RNGTT: variants seen among roughly 807,000 people sequenced by gnomAD.
RNGTT encodes the protein mRNA-capping enzyme.
RNGTT carries 33 observed loss-of-function variants against 79.3 expected under a neutral mutation model. The observed-to-expected ratio is 0.42, with a 90% CI of 0.32 to 0.56. The LOEUF is 0.56. RNGTT is among the 20% of genes least tolerant of loss of function. RNGTT has a pLI of 0.17. For missense variants in RNGTT, 497 were observed against 739.1 expected (o/e 0.67, Z 3.80); for synonymous variants, 222 against 235.9 (o/e 0.94, Z 0.54).
At chr6:88,924,453 C>T (rs2127951571) in intron 4 of RNGTT, among the ~76,000 whole-genome samples, 1 of 152,202 alleles carries the variant, frequency 6.6e-6, no homozygotes, top group Non-Finnish European at 1.5e-5. Context: ...AGATTATTAA[C>T]TTTTTATGTC....
chr6:88,648,420 A>T (rs900426979), intron 14 of RNGTT, among the ~76,000 whole-genome samples: 3 of 151,926 alleles, frequency 2.0e-5, no homozygotes, highest in African/African-American at 7.3e-5. Context: ...ACATGTATAC[A>T]TATGTAACAA....
intron 6 of RNGTT, among the ~76,000 whole-genome samples, chr6:88,895,696 C>T (rs900816117): frequency 6.6e-6 from 1 of 152,100 alleles, no homozygotes; most frequent in Non-Finnish European, 1.5e-5. Context: ...CTATCTTCAA[C>T]CTCAGATGGA....
At chr6:88,895,785 T>C (rs1236951136) in intron 6 of RNGTT, among the ~76,000 whole-genome samples, 1 of 152,186 alleles carries the variant, frequency 6.6e-6, no homozygotes, top group East Asian at 1.9e-4. Context: ...CTGTCAACCA[T>C]AGGTCAACTA....
rs140959304 is a variant in RNGTT, at chr6:88,933,748, A to AT, written c.175-4482dup. Reference sequence around the variant, plus strand: ...CCATGTGCTGCAAAATGATGATTTCATTTTTTCTTCATGGCTGCATAGTAT... The same window carrying AT: ...CCATGTGCTGCAAAATGATGATTTCATTTTTTTCTTCATGGCTGCATAGTAT... On this transcript the variant is annotated intron_variant, in intron 2 of 15. Coordinates refer to ENST00000369485, the MANE Select transcript of RNGTT (RefSeq NM_003800.5). Among the ~76,000 whole-genome samples, 48 of 152,202 alleles carry AT rather than the reference A, an allele frequency of 3.2e-4. 1 individual carries two copies. The highest frequency in any genetic ancestry group is 3.4e-3 in the Middle Eastern group (1 of 294).
At chr6:88,804,820 T>C (rs1471906082) in intron 11 of RNGTT, among the ~76,000 whole-genome samples, 1 of 152,204 alleles carries the variant, frequency 6.6e-6, no homozygotes, top group Non-Finnish European at 1.5e-5. Flanking sequence ...TCCATTATTT[T>C]TCCTGCTGCT....
At position 88,877,819 on chromosome 6, in the gene RNGTT, A is replaced by T. The variant is rs539549247; in HGVS notation, c.896+12676T>A. 4.6e-5 allele frequency among the ~76,000 whole-genome samples: 7 copies of T among 152,192 alleles called. No individual in the cohort carries two copies. The South Asian group carries it at 1.2e-3, about 27-fold the overall frequency. ...GGTAGTCTCACTTCCCCGTGATAAA[A>T]AAGAAACACAGGAGCTTTATTGTGT... On this transcript the variant is annotated intron_variant, in intron 8 of 15. Coordinates refer to ENST00000369485, the MANE Select transcript of RNGTT (RefSeq NM_003800.5).
At chr6:88,704,825 A>G (rs1776076590) in intron 13 of RNGTT, among the ~76,000 whole-genome samples, 1 of 150,870 alleles carries the variant, frequency 6.6e-6, no homozygotes, top group African/African-American at 2.4e-5. Context: ...ACTTCTATTC[A>G]TCTTGGCTCT....
intron 11 of RNGTT, among the ~76,000 whole-genome samples, chr6:88,831,022 G>C (rs1780844514): frequency 6.6e-6 from 1 of 152,262 alleles, no homozygotes; most frequent in East Asian, 1.9e-4. Context: ...AAGAGGAGCT[G>C]GTACCATTCC....
intron 11 of RNGTT, among the ~76,000 whole-genome samples, chr6:88,843,256 C>T (rs765666733): frequency 6.6e-6 from 1 of 151,680 alleles, no homozygotes; most frequent in Non-Finnish European, 1.5e-5. Context: ...ACTAACATTA[C>T]TCATAATCTT....
chr6:88,725,824 G>A (rs1193022745), intron 13 of RNGTT, among the ~76,000 whole-genome samples: 1 of 152,160 alleles, frequency 6.6e-6, no homozygotes, highest in Non-Finnish European at 1.5e-5. Flanking sequence ...TAGGGGAAGG[G>A]GAAGGAGAGG....
chr6:88,941,310 C>CA (rs954486662), intron 1 of RNGTT, 130 bp from the exon 2 acceptor site: 1 of 619,030 alleles, frequency 1.6e-6, no homozygotes, highest in Admixed American at 2.9e-5. Flanking sequence ...CTCTGTCCCC[C>CA]AGGATAGAGT....
intron 11 of RNGTT, among the ~76,000 whole-genome samples, chr6:88,828,758 C>A (rs191400326): frequency 6.6e-6 from 1 of 151,360 alleles, no homozygotes; most frequent in African/African-American, 2.4e-5. Context: ...TATCAACAGC[C>A]GAATCTATCA....
At position 88,895,067 on chromosome 6, in the gene RNGTT, G is replaced by A. The variant is rs953447088; in HGVS notation, c.685-3152C>T. ...CTGTTTGTGAAAATAAAGAAAAATC[G>A]AAAGTTAAAAAAGTATGTTTATAGA... On this transcript the variant is annotated intron_variant, in intron 6 of 15. Coordinates refer to ENST00000369485, the MANE Select transcript of RNGTT (RefSeq NM_003800.5). Among the ~76,000 whole-genome samples, 12 of 151,982 alleles carry A rather than the reference G, an allele frequency of 7.9e-5. 1 individual carries two copies. The South Asian group carries it at 1.5e-3, about 18-fold the overall frequency.
At chr6:88,837,308 G>A (rs1409954693) in intron 11 of RNGTT, among the ~76,000 whole-genome samples, 1 of 152,052 alleles carries the variant, frequency 6.6e-6, no homozygotes, top group East Asian at 1.9e-4. Context: ...GAGGCAGGAG[G>A]ATCACTTGAG....
intron 13 of RNGTT, among the ~76,000 whole-genome samples, chr6:88,691,577 A>G (rs1385994467): frequency 6.6e-6 from 1 of 152,220 alleles, no homozygotes; most frequent in African/African-American, 2.4e-5. Context: ...GATACTGGCT[A>G]TCTTTGGGTG....
At chr6:88,796,649 T>A (rs559770819) in intron 12 of RNGTT, among the ~76,000 whole-genome samples, 9 of 152,132 alleles carry the variant, frequency 5.9e-5, no homozygotes, top group African/African-American at 2.2e-4. Context: ...CCAAAACAGC[T>A]ATAGCCATAA....
intron 6 of RNGTT, among the ~76,000 whole-genome samples, chr6:88,903,667 A>G (rs1783549038): frequency 6.6e-6 from 1 of 152,252 alleles, no homozygotes. Context: ...AATAACTTAC[A>G]TGGTTTACAT....
chr6:88,927,896 C>T (rs763528306), intron 4 of RNGTT, among the ~76,000 whole-genome samples: 2 of 150,718 alleles, frequency 1.3e-5, no homozygotes, highest in Admixed American at 6.6e-5. Flanking sequence ...AACCATATAC[C>T]AACAGAAATA....
chr6:88,718,280 A>G (rs551316956), intron 13 of RNGTT, among the ~76,000 whole-genome samples: 1 of 151,908 alleles, frequency 6.6e-6, no homozygotes, highest in East Asian at 1.9e-4. Context: ...CTAGCTACTT[A>G]GGAGGCTGAG....
Sources: allele counts gnomAD v4.1 joint callset (sites outside exome capture counted in the v4.1 genomes callset), GRCh38; gene constraint gnomAD v4.1.1; transcripts MANE v1.5; gene names NCBI Gene and HGNC (gene_info 2026-07-23, HGNC 2026-07-21).